The following SYNE2 variants were observed in gnomAD, a reference collection of about 807,000 sequenced individuals.
SYNE2 encodes the protein nesprin-2.
Under a neutral mutation model 856.3 loss-of-function variants are expected in SYNE2, and 431 were observed. The ratio of observed to expected loss-of-function variants is 0.50; its 90% confidence interval spans 0.47 to 0.55. SYNE2 has a LOEUF of 0.55. Ranked by LOEUF, SYNE2 falls within the 20% of genes least tolerant of loss-of-function variation. The pLI, the probability that SYNE2 is intolerant of heterozygous loss-of-function variation, is 0.00. For missense variants in SYNE2, 8,129 were observed against 8,023.2 expected (o/e 1.01, Z -0.50); for synonymous variants, 2,923 against 2,872.3 (o/e 1.02, Z -0.56).
chr14:63,984,929 A>G (rs2096613294), intron 18 of SYNE2, among the ~76,000 whole-genome samples: 2 of 152,218 alleles, frequency 1.3e-5, no homozygotes, highest in Non-Finnish European at 2.9e-5. Flanking sequence ...AGGCTGAGGC[A>G]AGAGGATTGC....
rs1035264123 is a variant in SYNE2 at position 64,177,405 on chromosome 14, G to A, written c.17478G>A (p.Leu5826=). ...EKKIKELKSR[L]QVLKAQSEDP... Reference sequence around the variant, plus strand: ...AAATCAAGGAGTTGAAAAGCAGGCTGCAAGTTTTAAAGGCACAAAGTGAAG... The same window carrying A: ...AAATCAAGGAGTTGAAAAGCAGGCTACAAGTTTTAAAGGCACAAAGTGAAG... Residue 5826 remains leucine (L), a synonymous_variant, in exon 96 of 116, where the codon CTG becomes CTA. Transcript: ENST00000555002. 6.2e-7 allele frequency: 1 copy of A among 1,614,170 alleles called. No individual in the cohort carries two copies. Among genetic ancestry groups the A allele is most frequent in the South Asian group, 1.1e-5 (1 of 91,076 alleles).
intron 100 of SYNE2, among the ~76,000 whole-genome samples, chr14:64,204,801 TAA>T (rs1333725148): frequency 6.6e-6 from 1 of 152,220 alleles, no homozygotes; most frequent in African/African-American, 2.4e-5. Flanking sequence ...TTTAGCAGCT[TAA>T]AAACGCAAAT....
rs11399582 is a variant in SYNE2 at position 63,985,329 on chromosome 14, C to CAA, written c.2152-1109_2152-1108dup. Among the ~76,000 whole-genome samples, 679 of 82,098 alleles carry CAA rather than the reference C, an allele frequency of 8.3e-3. 14 individuals are homozygous for CAA. The highest frequency in any genetic ancestry group is 0.039 in the East Asian group (118 of 3,030). The allele number at this position is 82,098 out of a possible 152,430, so 53.9% of individuals were successfully genotyped here. A position where few individuals can be genotyped will look rare whatever the true frequency, so the allele number is the denominator to read the frequency against. On this transcript the variant is annotated intron_variant, in intron 18 of 115. Transcript: ENST00000555002. ...TGGGTGACAGACCGAGGCTCCATCT[C>CAA]AAAAAAAAAAAAAAAAAAAGAGTGT...
chr14:64,219,111 T>TTG (rs2098681668), intron 109 of SYNE2, 97 bp from the exon 110 acceptor site: 5 of 929,376 alleles, frequency 5.4e-6, no homozygotes, highest in South Asian at 3.2e-5. Context: ...TTTGTTTTTT[T>TTG]TTTTTTTTTT....
intron 60 of SYNE2, among the ~76,000 whole-genome samples, chr14:64,091,889 G>A (rs1427785522): frequency 2.0e-5 from 3 of 152,056 alleles, no homozygotes; most frequent in Admixed American, 1.3e-4. Flanking sequence ...CCTTCTGGTT[G>A]TAAGAAGAAA....
chr14:63,935,296 C>A (rs1204701116), intron 2 of SYNE2, among the ~76,000 whole-genome samples: 1 of 152,074 alleles, frequency 6.6e-6, no homozygotes, highest in African/African-American at 2.4e-5. Flanking sequence ...TATCAGTAGT[C>A]TATAACTAAT....
intron 7 of SYNE2, among the ~76,000 whole-genome samples, chr14:63,952,044 A>T (rs1373492021): frequency 6.6e-6 from 1 of 152,118 alleles, no homozygotes; most frequent in Non-Finnish European, 1.5e-5. Context: ...TATTGTTTCA[A>T]TATTTGTGTT....
intron 29 of SYNE2, 49 bp from the exon 30 acceptor site, chr14:64,002,671 C>CCCTCCGTGT (rs763426162): frequency 6.2e-7 from 1 of 1,600,128 alleles, no homozygotes; most frequent in African/African-American, 1.4e-5. Flanking sequence ...CACATGTAGC[C>CCCTCCGTGT]TTTCTTTTTT....
chr14:63,876,522 C>CTG (rs1234433614), intron 1 of SYNE2, among the ~76,000 whole-genome samples: 1 of 149,828 alleles, frequency 6.7e-6, no homozygotes, highest in African/African-American at 2.5e-5. Flanking sequence ...GAGTCTCGCT[C>CTG]TGTTGCCCAG....
intron 113 of SYNE2, 74 bp from the exon 114 acceptor site, chr14:64,224,387 G>A: frequency 8.4e-7 from 1 of 1,189,724 alleles, no homozygotes; most frequent in Non-Finnish European, 1.2e-6. Context: ...TTAAGGTAGG[G>A]GAGGGTGAGC....
chr14:64,025,669 T>C (rs1456731830), intron 41 of SYNE2, among the ~76,000 whole-genome samples: 1 of 152,178 alleles, frequency 6.6e-6, no homozygotes, highest in Non-Finnish European at 1.5e-5. Flanking sequence ...CCGTCTTCAA[T>C]GAGTGCAGAA....
intron 1 of SYNE2, among the ~76,000 whole-genome samples, chr14:63,838,923 A>T (rs148151786): frequency 0.016 from 2,395 of 152,296 alleles, 70 homozygotes; most frequent in African/African-American, 0.055. Context: ...TGTGAAATTG[A>T]TGTTTAAAAT....
At chr14:63,825,239 A>G (rs1316410651) in intron 1 of SYNE2, among the ~76,000 whole-genome samples, 1 of 152,236 alleles carries the variant, frequency 6.6e-6, no homozygotes, top group Non-Finnish European at 1.5e-5. Context: ...GTATATTTTC[A>G]TCACTTCCAC....
intron 57 of SYNE2, chr14:64,084,924 C>T (rs919040251): frequency 4.1e-5 from 29 of 701,626 alleles, no homozygotes; most frequent in Admixed American, 2.8e-4. Flanking sequence ...AGCTCATTCC[C>T]GTGGCTGTTG....
intron 96 of SYNE2, among the ~76,000 whole-genome samples, chr14:64,178,437 G>A (rs1373353459): frequency 6.6e-6 from 1 of 152,154 alleles, no homozygotes; most frequent in African/African-American, 2.4e-5. Context: ...TAATACATGT[G>A]TTTGTAGGTG....
At chr14:64,201,462 C>T (rs759001972) in intron 99 of SYNE2, among the ~76,000 whole-genome samples, 16 of 152,174 alleles carry the variant, frequency 1.1e-4, no homozygotes, top group Non-Finnish European at 1.9e-4. Context: ...GGCCATGGCA[C>T]TCCCTGTCCT....
chr14:64,124,947 G>A, intron 70 of SYNE2, 132 bp from the exon 71 acceptor site: 1 of 1,100,642 alleles, frequency 9.1e-7, no homozygotes, highest in Non-Finnish European at 1.3e-6. Flanking sequence ...AGGTTTCAGT[G>A]AGAGGAGATC....
At chr14:63,834,916 G>T (rs1889795915) in intron 1 of SYNE2, among the ~76,000 whole-genome samples, 2 of 152,126 alleles carry the variant, frequency 1.3e-5, no homozygotes, top group South Asian at 4.1e-4. Context: ...GGGATTACAG[G>T]CATGAGTCAC....
chr14:64,186,365 T>A, intron 96 of SYNE2, 59 bp from the exon 97 acceptor site: 1 of 1,609,198 alleles, frequency 6.2e-7, no homozygotes, highest in East Asian at 2.2e-5. Flanking sequence ...CCTACAGGTT[T>A]GGAAACAACA....
Sources: allele counts gnomAD v4.1 joint callset (sites outside exome capture counted in the v4.1 genomes callset), GRCh38; gene constraint gnomAD v4.1.1; transcripts MANE v1.5; gene names NCBI Gene and HGNC (gene_info 2026-07-23, HGNC 2026-07-21).